KDM1A: variants seen among roughly 807,000 people sequenced by gnomAD.
The protein encoded by KDM1A is lysine demethylase 1A.
A neutral mutation model predicts 109.4 loss-of-function variants in KDM1A; 49 were observed. The observed-to-expected ratio is 0.45, with a 90% CI of 0.36 to 0.57. The LOEUF (loss-of-function observed/expected upper bound fraction) is 0.57, where lower values mean the gene tolerates loss of function less well. Among genes scored for constraint, KDM1A ranks in the 20% least tolerant of loss-of-function variants. The pLI is 0.00. For synonymous variants in KDM1A, 380 were observed against 415.4 expected (o/e 0.91, Z 1.04); for missense variants, 668 against 1,116.6 (o/e 0.60, Z 5.73).
intron 4 of KDM1A, among the ~76,000 whole-genome samples, 147 bp from the exon 5 acceptor site, chr1:23,053,599 TGGTCTCAAACTCCTG>T (rs1302913242): frequency 1.3e-5 from 2 of 152,304 alleles, no homozygotes; most frequent in South Asian, 4.1e-4. Flanking sequence ...TTGCCTAAGC[TGGTCTCAAACTCCTG>T]GGCTCAAGTG....
At chr1:23,021,063 T>G (rs1475121375) in intron 1 of KDM1A, among the ~76,000 whole-genome samples, 2 of 152,230 alleles carry the variant, frequency 1.3e-5, no homozygotes, top group Non-Finnish European at 2.9e-5. Context: ...ATTGTCTACA[T>G]AATTTTTAAG....
At chr1:23,043,184 C>G (rs1240192605) in intron 2 of KDM1A, among the ~76,000 whole-genome samples, 1 of 152,164 alleles carries the variant, frequency 6.6e-6, no homozygotes, top group Non-Finnish European at 1.5e-5. Flanking sequence ...GTAACCCGAT[C>G]GTCTCTTCAT....
chr1:23,082,261 G>A lies in KDM1A; in HGVS notation c.2340G>A (p.Trp780Ter). Residue 780 changes from tryptophan (W) to a stop codon, truncating the protein, a stop_gained, in exon 20 of 21, where the codon TGG (tryptophan) becomes TGA (stop). Coordinates refer to ENST00000400181, the MANE Select transcript of KDM1A (RefSeq NM_001009999.3). LOFTEE classifies it high-confidence loss of function. ...TVVSRWRADP[W>*]ARGSYSYVAA... is the part of the protein sequence containing the mutation. ...TGTCTCGTTGGCGTGCTGATCCCTG[G>A]GCTCGGGGCTCTTATTCCTATGTTG... The A allele has an allele frequency of 6.2e-7, 1 of 1,613,512 alleles. No homozygotes were observed. The highest frequency in any genetic ancestry group is 8.5e-7 in the Non-Finnish European group (1 of 1,179,914).
At chr1:23,082,130 C>A in intron 19 of KDM1A, 90 bp from the exon 20 acceptor site, 2 of 1,388,122 alleles carry the variant, frequency 1.4e-6, no homozygotes, top group Non-Finnish European at 1.0e-6. Context: ...TCTTCACTTG[C>A]ATCTCCACCC....
chr1:23,074,035 A>G (rs1257128424), intron 15 of KDM1A, among the ~76,000 whole-genome samples: 2 of 152,250 alleles, frequency 1.3e-5, no homozygotes, highest in African/African-American at 4.8e-5. Context: ...TTTTAACTTT[A>G]TAAATCAACT....
chr1:23,073,396 G>T lies in KDM1A; in HGVS notation c.1727G>T (p.Trp576Leu). Residue 576 changes from tryptophan to leucine, a missense_variant, in exon 15 of 21, where the codon TGG becomes TTG. By Grantham distance (61) the Trp-to-Leu change is moderately conservative. Coordinates refer to ENST00000400181, the MANE Select transcript of KDM1A (RefSeq NM_001009999.3). ...TPLSTLSLKH[W>L]DQDDDFEFTG... ...CTCTCAACTCTCTCCCTTAAGCACT[G>T]GGATCAGGTAAGTTTCCCTTATTGT... 1 of 1,580,028 alleles carries T rather than the reference G, an allele frequency of 6.3e-7. No homozygotes were observed.
chr1:23,048,187 T>G (rs947551560), intron 3 of KDM1A, among the ~76,000 whole-genome samples: 3 of 152,124 alleles, frequency 2.0e-5, no homozygotes, highest in African/African-American at 7.2e-5. Context: ...GTTGAAATAC[T>G]CAGGATTTAA....
In KDM1A at chr1:23,030,456, G is replaced by T; in HGVS notation, c.352-13G>T. 1 of 1,501,270 alleles carries T rather than the reference G, an allele frequency of 6.7e-7. No homozygotes were observed. The highest frequency in any genetic ancestry group is 1.4e-5 in the South Asian group (1 of 71,634). 93.0% of individuals were successfully genotyped at this position (1,501,270 alleles called of 1,614,324 possible). ...CACTGCATTTAGCTTTCCCTGGTAT[G>T]ATCTCCATATAGGTAGAGTACAGAG... is the stretch of plus-strand genomic sequence containing the variant. On this transcript the variant is annotated splice_polypyrimidine_tract_variant and intron_variant, in intron 1 of 20. Transcript: ENST00000400181.
rs1266383732 is a variant in KDM1A, at chr1:23,067,185, TTAATTA to T, written c.1179+1118_1179+1123del. ...TTTTCTTTAGGCTAAGGGTAATTCT[TTAATTA>T]TAAAGATACCCTGATCCCTCCCATG... On this transcript the variant is annotated intron_variant, in intron 10 of 20. Coordinates refer to ENST00000400181, the MANE Select transcript of KDM1A (RefSeq NM_001009999.3). Among the ~76,000 whole-genome samples, 3 of 152,374 alleles carry T rather than the reference TTAATTA, an allele frequency of 2.0e-5. No homozygotes were observed. The East Asian group carries it at 5.8e-4, about 29-fold the overall frequency.
At chr1:23,023,730 G>A (rs566108182) in intron 1 of KDM1A, among the ~76,000 whole-genome samples, 43 of 152,250 alleles carry the variant, frequency 2.8e-4, no homozygotes, top group Non-Finnish European at 5.4e-4. Context: ...CTGCAAAAAG[G>A]GCTGCTGGGA....
chr1:23,045,204 T>G (rs879909701), intron 3 of KDM1A, among the ~76,000 whole-genome samples: 10 of 152,216 alleles, frequency 6.6e-5, no homozygotes, highest in Non-Finnish European at 1.2e-4. Flanking sequence ...TGAAGGATGT[T>G]TTTGTTCCAG....
intron 4 of KDM1A, among the ~76,000 whole-genome samples, chr1:23,052,930 T>G (rs981641327): frequency 5.9e-5 from 9 of 152,242 alleles, no homozygotes; most frequent in African/African-American, 2.2e-4. Context: ...CTCTCTCTTC[T>G]GAGCTCCAGA....
chr1:23,027,327 T>C (rs1266159958), intron 1 of KDM1A, among the ~76,000 whole-genome samples: 4 of 152,076 alleles, frequency 2.6e-5, no homozygotes, highest in Admixed American at 2.6e-4. Flanking sequence ...ATTTTGTTTC[T>C]GTATTTTGCT....
At chr1:23,029,943 C>G (rs915724854) in intron 1 of KDM1A, among the ~76,000 whole-genome samples, 1 of 152,166 alleles carries the variant, frequency 6.6e-6, no homozygotes, top group African/African-American at 2.4e-5. Context: ...CCTGGCCTCT[C>G]CTAAGTGAAT....
chr1:23,081,072 A>G, intron 18 of KDM1A: 1 of 191,408 alleles, frequency 5.2e-6, no homozygotes, highest in South Asian at 1.1e-4. Context: ...GGATGTAGTC[A>G]TTGTCATGGA....
intron 1 of KDM1A, among the ~76,000 whole-genome samples, chr1:23,029,231 G>A (rs1180067975): frequency 2.6e-5 from 4 of 152,132 alleles, no homozygotes; most frequent in Admixed American, 2.6e-4. Flanking sequence ...TAATCCACAG[G>A]ACTATTCATC....
rs1424989067 is a variant in KDM1A, at chr1:23,083,395, G to C, written c.*31G>C. 3 of 1,583,184 alleles carry C rather than the reference G, an allele frequency of 1.9e-6. No homozygotes were observed. The highest frequency in any genetic ancestry group is 2.3e-5 in the South Asian group (2 of 87,870). On this transcript the variant is annotated 3_prime_UTR_variant, in exon 21 of 21. Coordinates refer to ENST00000400181, the MANE Select transcript of KDM1A (RefSeq NM_001009999.3). ...ATGCATTCTAAGGGAAGAGGCCCAT[G>C]TGCCTGTTTCTGCCATGTAAGGAAG... is the stretch of plus-strand genomic sequence containing the variant.
In KDM1A at chr1:23,083,649, T is replaced by TTG. The variant is rs1416293377; in HGVS notation, c.*286_*287insGT. 0.036 allele frequency: 8,825 copies of TTG among 246,934 alleles called. 763 individuals carry two copies. The highest frequency in any genetic ancestry group is 0.18 in the African/African-American group (8,135 of 44,604). The allele number at this position is 246,934 out of a possible 1,614,324, so 15.3% of individuals were successfully genotyped here. A position where few individuals can be genotyped will look rare whatever the true frequency, so the allele number is the denominator to read the frequency against. ...GTCCCTTGGTGTGTGGGGTTTTTGT[T>TTG]TTTTTTTTATATTTTGAGAATAAAA... is the stretch of plus-strand genomic sequence containing the variant. On this transcript the variant is annotated 3_prime_UTR_variant, in exon 21 of 21. Coordinates refer to ENST00000400181, the MANE Select transcript of KDM1A (RefSeq NM_001009999.3).
At chr1:23,073,217 C>A in intron 14 of KDM1A, 75 bp from the exon 15 acceptor site, 1 of 784,540 alleles carries the variant, frequency 1.3e-6, no homozygotes, top group Non-Finnish European at 2.2e-6. Flanking sequence ...GACACAGTTA[C>A]TGAGATCACC....
Sources: allele counts gnomAD v4.1 joint callset (sites outside exome capture counted in the v4.1 genomes callset), GRCh38; gene constraint gnomAD v4.1.1; transcripts MANE v1.5; gene names NCBI Gene and HGNC (gene_info 2026-07-23, HGNC 2026-07-21).